Variants in ZNF326 observed in about 807,000 individuals in gnomAD.
ZNF326 encodes the protein DBIRD complex subunit ZNF326.
In ZNF326, 30 loss-of-function variants were observed where a neutral mutation model predicts 63.1. The observed-to-expected ratio is 0.48, with a 90% CI of 0.36 to 0.64. The LOEUF is 0.64. Among genes scored for constraint, ZNF326 ranks in the 30% least tolerant of loss-of-function variants. The probability of loss-of-function intolerance (pLI) is 0.00; values close to 1 mark genes in which losing one functional copy is unlikely to be tolerated. For missense variants in ZNF326, 609 were observed against 720.3 expected (o/e 0.85, Z 1.77); for synonymous variants, 194 against 228.2 (o/e 0.85, Z 1.35).
At chr1:90,027,261 T>A in intron 11 of ZNF326, 93 bp from the exon 12 acceptor site, 1 of 1,208,604 alleles carries the variant, frequency 8.3e-7, no homozygotes, top group Non-Finnish European at 1.2e-6. Context: ...AAAATGGCAT[T>A]TATTTCTCAT....
At chr1:90,004,954 G>A in intron 2 of ZNF326, 49 bp from the exon 3 acceptor site, 1 of 1,539,292 alleles carries the variant, frequency 6.5e-7, no homozygotes, top group Non-Finnish European at 9.0e-7. Context: ...AAAGATCCCT[G>A]AAGAGAATGG....
At chr1:90,017,636 G>C (rs1006094594) in intron 8 of ZNF326, among the ~76,000 whole-genome samples, 172 bp downstream of exon 8, 1 of 152,146 alleles carries the variant, frequency 6.6e-6, no homozygotes, top group Non-Finnish European at 1.5e-5. Flanking sequence ...CTCTATAATA[G>C]AATTTGTATT....
chr1:90,027,588 G>A lies in ZNF326; in HGVS notation c.1636G>A (p.Val546Ile). ...AGTAGGGGAAGGAGGGGAAGTAGGG[G>A]TAGTGGGAGAAGTAGAGGGAGTGGG... ...QGVGEGGEVG[V>I]VGEVEGVGEV... Residue 546 changes from valine (V) to isoleucine (I), a missense_variant, in exon 12 of 12, where the codon GTA (valine) becomes ATA (isoleucine). Val to Ile is a conservative substitution (Grantham distance 29). Coordinates refer to ENST00000340281, the MANE Select transcript of ZNF326 (RefSeq NM_182976.4). 1 of 1,611,220 alleles carries A rather than the reference G, an allele frequency of 6.2e-7. No individual in the cohort carries two copies. Among genetic ancestry groups the A allele is most frequent in the Non-Finnish European group, 8.5e-7 (1 of 1,178,418 alleles).
In ZNF326 at chr1:90,029,622, T is replaced by A. The variant is rs1476338942; in HGVS notation, c.*1921T>A. On this transcript the variant is annotated 3_prime_UTR_variant, in exon 12 of 12. Transcript: ENST00000340281. ...TGATACTAAGCTGAGTGATTTTTTT[T>A]AAAACAATGTCTCTGGTAGTCTGAT... 3 of 152,220 alleles carry A rather than the reference T, an allele frequency of 2.0e-5. No homozygotes were observed. Among genetic ancestry groups the A allele is most frequent in the Non-Finnish European group, 4.4e-5 (3 of 68,032 alleles). 9.4% of individuals were successfully genotyped at this position (152,220 alleles called of 1,614,324 possible).
At chr1:90,005,093 G>A (rs1557518102) in intron 3 of ZNF326, 40 bp from the exon 4 acceptor site, 8 of 1,613,930 alleles carry the variant, frequency 5.0e-6, no homozygotes, top group Non-Finnish European at 6.8e-6. Context: ...GCCAGTAAAG[G>A]TGAGCATCAT....
chr1:90,006,572 C>T (rs577823675), intron 4 of ZNF326: 2 of 692,592 alleles, frequency 2.9e-6, no homozygotes, highest in Admixed American at 6.3e-5. Context: ...TGATAATTTC[C>T]TGAAGGAAAT....
At chr1:90,022,787 A>C (rs941484443) in intron 11 of ZNF326, among the ~76,000 whole-genome samples, 1 of 152,212 alleles carries the variant, frequency 6.6e-6, no homozygotes, top group Admixed American at 6.5e-5. Context: ...AGAACAGACT[A>C]GGATGTACCT....
chr1:89,999,958 G>A (rs529686262), intron 2 of ZNF326, among the ~76,000 whole-genome samples: 3 of 152,270 alleles, frequency 2.0e-5, no homozygotes, highest in African/African-American at 7.2e-5. Flanking sequence ...TAATATATAT[G>A]TCATAATTTA....
chr1:90,021,126 CAT>C lies in ZNF326; in HGVS notation c.1305+205_1305+206del, dbSNP rs145571783. Among the ~76,000 whole-genome samples, 126 of 152,080 alleles carry C rather than the reference CAT, an allele frequency of 8.3e-4. 3 individuals carry two copies. In the East Asian group the frequency reaches 0.019, roughly 23 times the overall value. ...ACTCCCTGAGTTGTTCAATCTATAA[CAT>C]GTGTTACGCAAGCAAGTTAACCTTT... On this transcript the variant is annotated intron_variant, in intron 10 of 11. Transcript: ENST00000340281.
At position 90,005,313 on chromosome 1, in the gene ZNF326, C is replaced by G. The variant is rs1318484548; in HGVS notation, c.209+69C>G. 3.0e-5 allele frequency: 46 copies of G among 1,556,308 alleles called. No individual in the cohort carries two copies. In the Admixed American group the frequency reaches 9.1e-4, roughly 31 times the overall value. On this transcript the variant is annotated intron_variant, in intron 4 of 11. Coordinates refer to ENST00000340281, the MANE Select transcript of ZNF326 (RefSeq NM_182976.4). ...GATTTTGGATATATTATTTTAAGTA[C>G]TCTTTAGGCATGTTATGATACTTGA...
chr1:90,012,101 T>C (rs939608626), intron 6 of ZNF326, among the ~76,000 whole-genome samples: 7 of 152,192 alleles, frequency 4.6e-5, no homozygotes, highest in African/African-American at 1.7e-4. Context: ...TCCAAAGTGC[T>C]AAGATTACAG....
In ZNF326 at chr1:89,995,118, T is replaced by G. The variant is rs1648269046; in HGVS notation, c.-140T>G. On this transcript the variant is annotated 5_prime_UTR_variant, in exon 1 of 12. Coordinates refer to ENST00000340281, the MANE Select transcript of ZNF326 (RefSeq NM_182976.4). ...GTCGGCCCCGCCTCCCCAGCCTCGC[T>G]GTGGCCTGCGGCTCCCGGGCTGGTA... is the stretch of plus-strand genomic sequence containing the variant. 9.5e-7 allele frequency: 1 copy of G among 1,057,180 alleles called. No homozygotes were observed. Among genetic ancestry groups the G allele is most frequent in the East Asian group, 3.1e-5 (1 of 32,022 alleles). The allele number at this position is 1,057,180 out of a possible 1,614,324, so 65.5% of individuals were successfully genotyped here. A position where few individuals can be genotyped will look rare whatever the true frequency, so the allele number is the denominator to read the frequency against.
chr1:90,020,365 C>T (rs758018243), intron 9 of ZNF326, among the ~76,000 whole-genome samples: 1 of 152,028 alleles, frequency 6.6e-6, no homozygotes, highest in Non-Finnish European at 1.5e-5. Context: ...CTGTAATAAA[C>T]CCCGGTCACC....
intron 2 of ZNF326, among the ~76,000 whole-genome samples, chr1:90,002,123 G>A (rs1021896654): frequency 6.6e-6 from 1 of 152,006 alleles, no homozygotes; most frequent in Non-Finnish European, 1.5e-5. Flanking sequence ...TTATAAAAAA[G>A]CAGTCATCTT....
At chr1:90,002,812 A>G (rs1195332542) in intron 2 of ZNF326, among the ~76,000 whole-genome samples, 2 of 152,188 alleles carry the variant, frequency 1.3e-5, no homozygotes, top group Admixed American at 6.5e-5. Context: ...ACCCATTAGT[A>G]TGTCTTGCAC....
Position 90,017,348 on chromosome 1 carries a change from C to T in ZNF326, c.958C>T (p.Arg320Ter), listed in dbSNP as rs1175498087. 1.2e-6 allele frequency: 2 copies of T among 1,600,556 alleles called. No homozygotes were observed. Among genetic ancestry groups the T allele is most frequent in the Non-Finnish European group, 8.5e-7 (1 of 1,175,768 alleles). Reference sequence around the variant, plus strand: ...ATTTACATGTTCATTTTGTAAATTTCGAACATTTGAAGAAAAAGATATTGA... The same window carrying T: ...ATTTACATGTTCATTTTGTAAATTTTGAACATTTGAAGAAAAAGATATTGA... ...MAFTCSFCKFRTFEEKDIELH... is the reference protein window; with the variant it reads ...MAFTCSFCKF The change falls in exon 8 of 12, where the codon CGA (arginine) becomes TGA (stop). Residue 320 changes from arginine to a stop codon, truncating the protein, a stop_gained. Transcript: ENST00000340281. LOFTEE classifies it high-confidence loss of function.
At chr1:90,016,807 A>G (rs1464079643) in intron 7 of ZNF326, among the ~76,000 whole-genome samples, 1 of 152,180 alleles carries the variant, frequency 6.6e-6, no homozygotes, top group African/African-American at 2.4e-5. Context: ...AGATGTATGC[A>G]TTTGTCCAGT....
At chr1:90,013,040 A>C (rs1422880173) in intron 6 of ZNF326, 86 bp from the exon 7 acceptor site, 1 of 1,140,430 alleles carries the variant, frequency 8.8e-7, no homozygotes, top group Non-Finnish European at 1.2e-6. Flanking sequence ...AGTATACCTC[A>C]TAAGTATGTA....
chr1:90,009,247 T>A (rs1649128689), intron 5 of ZNF326, among the ~76,000 whole-genome samples: 1 of 152,174 alleles, frequency 6.6e-6, no homozygotes, highest in South Asian at 2.1e-4. Context: ...ACATTTTAAA[T>A]CTTCACTTGT....
Sources: allele counts gnomAD v4.1 joint callset (sites outside exome capture counted in the v4.1 genomes callset), GRCh38; gene constraint gnomAD v4.1.1; transcripts MANE v1.5; gene names NCBI Gene and HGNC (gene_info 2026-07-23, HGNC 2026-07-21).